MTUS2: variants seen among roughly 807,000 people sequenced by gnomAD.
MTUS2 encodes microtubule-associated tumor suppressor candidate 2.
In MTUS2, 40 loss-of-function variants were observed where a neutral mutation model predicts 114.1. That is an observed-to-expected ratio of 0.35 (90% CI 0.27 to 0.46). MTUS2 has a LOEUF of 0.46. Ranked by LOEUF, MTUS2 falls within the 20% of genes least tolerant of loss-of-function variation. MTUS2 has a pLI of 1.00. For missense variants in MTUS2, 1,679 were observed against 1,705.4 expected (o/e 0.98, Z 0.27); for synonymous variants, 688 against 672.0 (o/e 1.02, Z -0.37).
At chr13:29,319,011 C>T (rs1205063056) in intron 6 of MTUS2, among the ~76,000 whole-genome samples, 7 of 152,092 alleles carry the variant, frequency 4.6e-5, no homozygotes, top group African/African-American at 9.7e-5. Flanking sequence ...TCTTCCTTCC[C>T]GGCAAAAGCC....
chr13:29,263,908 C>A lies in MTUS2; in HGVS notation c.2645-17796C>A, dbSNP rs1015108292. On this transcript the variant is annotated intron_variant, in intron 5 of 15. Coordinates refer to ENST00000612955, the MANE Select transcript of MTUS2 (RefSeq NM_001033602.4). ...CACCCCTGGCCTCCAAATCTCATGT[C>A]CTTCTCACATTGCAAAATATAATTA... is the stretch of plus-strand genomic sequence containing the variant. 1.2e-4 allele frequency among the ~76,000 whole-genome samples: 19 copies of A among 152,308 alleles called. 1 individual carries two copies. Among genetic ancestry groups the A allele is most frequent in the Admixed American group, 1.2e-3 (19 of 15,302 alleles).
chr13:28,869,210 C>A (rs1008935258), intron 2 of MTUS2, among the ~76,000 whole-genome samples: 5 of 152,208 alleles, frequency 3.3e-5, no homozygotes, highest in African/African-American at 1.2e-4. Context: ...GCTCTTTTAA[C>A]CTGCTGTGGG....
At chr13:28,862,531 T>G (rs781545554) in intron 2 of MTUS2, among the ~76,000 whole-genome samples, 32 of 152,318 alleles carry the variant, frequency 2.1e-4, no homozygotes, top group Non-Finnish European at 4.4e-4. Context: ...GAGAATCACT[T>G]GAACCTGGGA....
chr13:28,927,928 A>G (rs983739115), intron 2 of MTUS2, among the ~76,000 whole-genome samples: 1 of 152,164 alleles, frequency 6.6e-6, no homozygotes, highest in Non-Finnish European at 1.5e-5. Context: ...ACATAGACCA[A>G]TGGAACAGAT....
intron 2 of MTUS2, among the ~76,000 whole-genome samples, chr13:28,995,417 C>T (rs367693220): frequency 2.8e-4 from 42 of 151,940 alleles, no homozygotes; most frequent in African/African-American, 5.5e-4. Context: ...TTTAAAGTAG[C>T]TTTTTCCAAT....
chr13:28,985,666 A>G (rs1044137317), intron 2 of MTUS2, among the ~76,000 whole-genome samples: 2 of 151,562 alleles, frequency 1.3e-5, no homozygotes, highest in African/African-American at 4.9e-5. Flanking sequence ...TTTATGTGTC[A>G]GCTTGCCTAG....
chr13:29,087,979 A>C lies in MTUS2; in HGVS notation c.2447-12794A>C, dbSNP rs1889767117. Among the ~76,000 whole-genome samples the C allele has an allele frequency of 2.0e-5, 3 of 151,358 alleles. No homozygotes were observed. The South Asian group carries it at 6.3e-4, about 32-fold the overall frequency. ...GAGGCTGAGACAGGAGAATGGCATGAACCTGGGAGGCGGAGCTTGCAGTGG... is the reference window on the plus strand; with the variant it reads ...GAGGCTGAGACAGGAGAATGGCATGCACCTGGGAGGCGGAGCTTGCAGTGG... On this transcript the variant is annotated intron_variant, in intron 4 of 15. Coordinates refer to ENST00000612955, the MANE Select transcript of MTUS2 (RefSeq NM_001033602.4).
intron 9 of MTUS2, among the ~76,000 whole-genome samples, chr13:29,462,367 A>G (rs1879558386): frequency 1.3e-5 from 2 of 152,212 alleles, no homozygotes; most frequent in South Asian, 4.1e-4. Flanking sequence ...CAAAGGAGCA[A>G]CATGCTCCAT....
intron 2 of MTUS2, among the ~76,000 whole-genome samples, chr13:28,994,972 T>TAAG (rs576763221): frequency 0.018 from 2,690 of 152,282 alleles, 80 homozygotes; most frequent in African/African-American, 0.061. Context: ...ATGAAGTCCT[T>TAAG]GCCCATGCCT....
Position 29,114,187 on chromosome 13 carries a change from A to G in MTUS2, c.2644+13217A>G, listed in dbSNP as rs1405270663. 5.9e-5 allele frequency among the ~76,000 whole-genome samples: 9 copies of G among 152,178 alleles called. No individual in the cohort carries two copies. In the East Asian group the frequency reaches 1.5e-3, roughly 26 times the overall value. ...TTTTTTAAATAAATTACCCAGTCCC[A>G]GGTACTTCTTTATAGCAATATGAGA... On this transcript the variant is annotated intron_variant, in intron 5 of 15. Coordinates refer to ENST00000612955, the MANE Select transcript of MTUS2 (RefSeq NM_001033602.4).
intron 6 of MTUS2, among the ~76,000 whole-genome samples, chr13:29,288,660 T>C (rs778358445): frequency 3.3e-5 from 5 of 152,086 alleles, no homozygotes; most frequent in Non-Finnish European, 7.4e-5. Context: ...GGGGCTGATA[T>C]TGGAAAGGAG....
chr13:29,024,714 G>A lies in MTUS2; in HGVS notation c.16G>A (p.Ala6Thr), dbSNP rs745805399. 1 of 1,613,894 alleles carries A rather than the reference G, an allele frequency of 6.2e-7. No homozygotes were observed. The highest frequency in any genetic ancestry group is 1.7e-5 in the Admixed American group (1 of 60,012). The change falls in exon 3 of 16, where the codon GCT becomes ACT. Residue 6 changes from alanine to threonine, a missense_variant. Physicochemically the swap from Ala to Thr is moderately conservative, Grantham distance 58 (BLOSUM62 0). Coordinates refer to ENST00000612955, the MANE Select transcript of MTUS2 (RefSeq NM_001033602.4). MSVPV[A>T]PKKSCYTQLR... ...AGGGTTGACAATGAGCGTCCCAGTG[G>A]CTCCTAAGAAATCATGTTACACTCA...
chr13:29,483,737 G>A (rs916811521), intron 10 of MTUS2, among the ~76,000 whole-genome samples: 4 of 152,216 alleles, frequency 2.6e-5, no homozygotes, highest in African/African-American at 9.6e-5. Context: ...TTTTAAAGGT[G>A]CAATTATAAA....
At chr13:29,431,646 T>G (rs1207990459) in intron 8 of MTUS2, among the ~76,000 whole-genome samples, 1 of 152,282 alleles carries the variant, frequency 6.6e-6, no homozygotes, top group South Asian at 2.1e-4. Flanking sequence ...CTTTGAAGAA[T>G]GGGTGGAATT....
intron 2 of MTUS2, among the ~76,000 whole-genome samples, chr13:28,932,261 G>A (rs1881659692): frequency 6.6e-6 from 1 of 152,190 alleles, no homozygotes; most frequent in Non-Finnish European, 1.5e-5. Context: ...ATGACCCTGA[G>A]CGTTTGTTTC....
chr13:29,099,739 A>G (rs962772298), intron 4 of MTUS2, among the ~76,000 whole-genome samples: 7 of 152,196 alleles, frequency 4.6e-5, no homozygotes, highest in South Asian at 2.1e-4. Context: ...AAAGGAATCA[A>G]TGAGGACAGT....
intron 5 of MTUS2, among the ~76,000 whole-genome samples, chr13:29,191,399 G>C (rs563972757): frequency 3.9e-5 from 6 of 152,266 alleles, no homozygotes; most frequent in Non-Finnish European, 8.8e-5. Context: ...CAGTTGTGCA[G>C]TCAGACAGGC....
At position 29,390,042 on chromosome 13, in the gene MTUS2, TATATATACACATAC is replaced by T. The variant is rs141102343; in HGVS notation, c.3117+30589_3117+30602del. Reference sequence around the variant, plus strand: ...ACATGTATGTGTATGTATGTATGTGTATATATACACATACATATATACACATACATATACACATA... The same window carrying T: ...ACATGTATGTGTATGTATGTATGTGTATATATACACATACATATACACATA... On this transcript the variant is annotated intron_variant, in intron 8 of 15. Transcript: ENST00000612955. Among the ~76,000 whole-genome samples the T allele has an allele frequency of 0.039, 100 of 2,560 alleles. 8 individuals are homozygous for T. The South Asian group carries it at 0.5, about 13-fold the overall frequency. The allele number at this position is 2,560 out of a possible 152,430, so 1.7% of individuals were successfully genotyped here.
chr13:28,821,637 C>G (rs763130189), intron 1 of MTUS2, among the ~76,000 whole-genome samples: 4 of 152,162 alleles, frequency 2.6e-5, no homozygotes, highest in Non-Finnish European at 5.9e-5. Context: ...ACCCAGTATT[C>G]TGTTCTAATT....
Sources: allele counts gnomAD v4.1 joint callset (sites outside exome capture counted in the v4.1 genomes callset), GRCh38; gene constraint gnomAD v4.1.1; transcripts MANE v1.5; gene names NCBI Gene and HGNC (gene_info 2026-07-23, HGNC 2026-07-21).